Variants in CDH13 observed in about 807,000 individuals in gnomAD.
CDH13 encodes cadherin 13.
A neutral mutation model predicts 63.8 loss-of-function variants in CDH13; 24 were observed. That is an observed-to-expected ratio of 0.38 (90% CI 0.27 to 0.53). The LOEUF is 0.53. Among genes scored for constraint, CDH13 ranks in the 20% least tolerant of loss-of-function variants. The pLI, the probability that CDH13 is intolerant of heterozygous loss-of-function variation, is 0.85. For synonymous variants in CDH13, 503 were observed against 355.3 expected, an observed-to-expected ratio of 1.42 and a Z score of -4.67; for missense variants, 1,049 against 903.1, an observed-to-expected ratio of 1.16 and a Z score of -2.07.
At chr16:83,320,433 A>G (rs2090198379) in intron 5 of CDH13, among the ~76,000 whole-genome samples, 1 of 152,226 alleles carries the variant, frequency 6.6e-6, no homozygotes, top group Non-Finnish European at 1.5e-5. Flanking sequence ...GTTGTCACCC[A>G]GGCATTGCTA....
intron 6 of CDH13, among the ~76,000 whole-genome samples, chr16:83,394,065 C>T (rs920376599): frequency 3.3e-5 from 5 of 151,868 alleles, no homozygotes; most frequent in African/African-American, 9.7e-5. Context: ...ACACAGAAGG[C>T]AACAATGAAC....
chr16:83,691,542 CA>C (rs1904883848), intron 10 of CDH13, among the ~76,000 whole-genome samples: 1 of 152,038 alleles, frequency 6.6e-6, no homozygotes, highest in South Asian at 2.1e-4. Context: ...CATAGCCAGC[CA>C]GGTGCGGTGG....
chr16:83,583,502 G>T (rs1905833315), intron 7 of CDH13, among the ~76,000 whole-genome samples: 1 of 152,188 alleles, frequency 6.6e-6, no homozygotes, highest in Admixed American at 6.5e-5. Context: ...TGCTGATTTT[G>T]TTCTGTGCAC....
Position 83,799,169 on chromosome 16 carries a change from T to A in CDH13, c.*4139T>A, listed in dbSNP as rs1904300044. The A allele has an allele frequency of 6.6e-6, 1 of 151,792 alleles. No individual in the cohort carries two copies. Among genetic ancestry groups the A allele is most frequent in the Admixed American group, 6.6e-5 (1 of 15,210 alleles). The allele number at this position is 151,792 out of a possible 1,614,324, so 9.4% of individuals were successfully genotyped here. On this transcript the variant is annotated 3_prime_UTR_variant, in exon 14 of 14. Coordinates refer to ENST00000567109, the MANE Select transcript of CDH13 (RefSeq NM_001257.5). ...TCTACTAAAAAATACAAAAATTAGC[T>A]GGGTGTGGTGGTGCACACCTGAAAC...
At chr16:83,344,162 C>T (rs758309588) in intron 5 of CDH13, among the ~76,000 whole-genome samples, 3 of 152,280 alleles carry the variant, frequency 2.0e-5, no homozygotes, top group East Asian at 3.9e-4. Flanking sequence ...AGAAAATGTG[C>T]GCATAAGGTC....
chr16:83,222,834 A>C (rs2039735673), intron 5 of CDH13, among the ~76,000 whole-genome samples: 1 of 152,176 alleles, frequency 6.6e-6, no homozygotes, highest in South Asian at 2.1e-4. Flanking sequence ...GTGCTACAGG[A>C]AATACCCACA....
chr16:83,582,408 C>T (rs8054544), intron 7 of CDH13, among the ~76,000 whole-genome samples: 61,684 of 151,812 alleles, frequency 0.41, 13,134 homozygotes, highest in Middle Eastern at 0.51. Context: ...TTTGAGGGGT[C>T]TTTTGTTTGT....
At chr16:83,187,056 C>T (rs1567489436) in intron 4 of CDH13, among the ~76,000 whole-genome samples, 1 of 152,140 alleles carries the variant, frequency 6.6e-6, no homozygotes, top group Admixed American at 6.5e-5. Context: ...CTGCAACCTG[C>T]ACCTCCCGAG....
At chr16:83,000,173 G>A (rs1358926502) in intron 2 of CDH13, among the ~76,000 whole-genome samples, 1 of 140,196 alleles carries the variant, frequency 7.1e-6, no homozygotes, top group African/African-American at 2.7e-5. Flanking sequence ...ATCTTATTGG[G>A]CAATTCTATG....
intron 4 of CDH13, among the ~76,000 whole-genome samples, chr16:83,166,293 AC>A (rs2037665276): frequency 6.6e-6 from 1 of 152,098 alleles, no homozygotes; most frequent in African/African-American, 2.4e-5. Flanking sequence ...TAAATCTCTA[AC>A]ATGGTGTTTA....
intron 10 of CDH13, among the ~76,000 whole-genome samples, chr16:83,738,000 C>T (rs148060686): frequency 1.3e-5 from 2 of 152,328 alleles, no homozygotes; most frequent in Non-Finnish European, 2.9e-5. Context: ...TGAATACATA[C>T]ATCGTACGCC....
At chr16:82,866,419 C>T (rs1463155362) in intron 2 of CDH13, among the ~76,000 whole-genome samples, 2 of 92,152 alleles carry the variant, frequency 2.2e-5, no homozygotes, top group Non-Finnish European at 3.9e-5. Context: ...GATGGAGTCT[C>T]ACTTTGTCGC....
At chr16:82,860,758 A>G (rs1400927626) in intron 2 of CDH13, among the ~76,000 whole-genome samples, 2 of 152,232 alleles carry the variant, frequency 1.3e-5, no homozygotes, top group African/African-American at 4.8e-5. Flanking sequence ...TAAATGAGGA[A>G]GAAAATTGTC....
intron 8 of CDH13, among the ~76,000 whole-genome samples, chr16:83,615,539 A>G (rs1909213274): frequency 1.3e-5 from 2 of 152,122 alleles, no homozygotes; most frequent in African/African-American, 4.8e-5. Flanking sequence ...CTGTAAAATC[A>G]CATATCTGAC....
intron 5 of CDH13, among the ~76,000 whole-genome samples, chr16:83,297,258 A>C (rs1157515158): frequency 1.3e-5 from 2 of 152,146 alleles, no homozygotes; most frequent in Non-Finnish European, 2.9e-5. Context: ...AGAAATGGCA[A>C]GTGTTTGAGA....
At chr16:82,804,184 C>T (rs1210471288) in intron 1 of CDH13, among the ~76,000 whole-genome samples, 7 of 151,066 alleles carry the variant, frequency 4.6e-5, no homozygotes, top group Admixed American at 6.6e-5. Flanking sequence ...GCTGAGATCA[C>T]GCTACTGCAC....
At chr16:83,315,267 A>G (rs1006567525) in intron 5 of CDH13, among the ~76,000 whole-genome samples, 2 of 152,242 alleles carry the variant, frequency 1.3e-5, no homozygotes, top group African/African-American at 4.8e-5. Context: ...GCAAGGTAAC[A>G]TTCAGAGTGC....
intron 6 of CDH13, among the ~76,000 whole-genome samples, chr16:83,398,727 G>T (rs1045596402): frequency 2.6e-5 from 4 of 152,116 alleles, no homozygotes; most frequent in Admixed American, 2.6e-4. Context: ...ATGAGAGCTT[G>T]GACTGCTGCT....
intron 11 of CDH13, among the ~76,000 whole-genome samples, chr16:83,776,227 C>T (rs150410978): frequency 3.0e-4 from 46 of 152,302 alleles, no homozygotes; most frequent in Non-Finnish European, 5.6e-4. Context: ...ATGCTCATAA[C>T]GCCTTCTCAT....
Sources: gnomAD v4.1 joint callset for allele counts (sites outside exome capture counted in the v4.1 genomes callset) on GRCh38, gnomAD v4.1.1 for gene constraint, MANE v1.5 for transcripts, NCBI Gene and HGNC (gene_info 2026-07-23, HGNC 2026-07-21) for gene names.